Variants in POU2F1 observed in about 807,000 individuals in gnomAD.
POU2F1 encodes POU domain, class 2, transcription factor 1.
A neutral mutation model predicts 84.9 loss-of-function variants in POU2F1; 16 were observed. The ratio of observed to expected loss-of-function variants is 0.19; its 90% CI spans 0.13 to 0.29. The LOEUF (loss-of-function observed/expected upper bound fraction) is 0.29, where lower values mean the gene tolerates loss of function less well. Among genes scored for constraint, POU2F1 ranks in the 10% least tolerant of loss-of-function variants. POU2F1 has a pLI of 1.00. For missense variants in POU2F1, 738 were observed against 942.6 expected, an observed-to-expected ratio of 0.78 and a Z score of 2.84; for synonymous variants, 368 against 368.3, an observed-to-expected ratio of 1.00 and a Z score of 0.01.
chr1:167,302,358 T>A (rs945029449), intron 1 of POU2F1, among the ~76,000 whole-genome samples: 29 of 152,038 alleles, frequency 1.9e-4, no homozygotes, highest in Admixed American at 1.3e-3. Flanking sequence ...ACTCCCTAGT[T>A]CAAGCGATTA....
intron 1 of POU2F1, among the ~76,000 whole-genome samples, chr1:167,241,110 C>G (rs1390318530): frequency 6.6e-6 from 1 of 152,044 alleles, no homozygotes; most frequent in African/African-American, 2.4e-5. Flanking sequence ...CCATTGCACT[C>G]CAGCCTGGGC....
chr1:167,230,533 C>T (rs1410711095), intron 1 of POU2F1, among the ~76,000 whole-genome samples: 5 of 152,110 alleles, frequency 3.3e-5, no homozygotes, highest in African/African-American at 4.8e-5. Flanking sequence ...GAGGCACTTT[C>T]ACAGGGTCCT....
At chr1:167,296,027 T>C (rs1654268171) in intron 1 of POU2F1, among the ~76,000 whole-genome samples, 1 of 106,466 alleles carries the variant, frequency 9.4e-6, no homozygotes. Flanking sequence ...AGTAGAAAAC[T>C]TTTTTTTTTT....
At chr1:167,253,286 G>A (rs1208367221) in intron 1 of POU2F1, among the ~76,000 whole-genome samples, 1 of 151,542 alleles carries the variant, frequency 6.6e-6, no homozygotes, top group African/African-American at 2.4e-5. Flanking sequence ...AAAACTTGGA[G>A]CCTCTGTGAA....
At position 167,326,900 on chromosome 1, in the gene POU2F1, A is replaced by G. The variant is rs563517180; in HGVS notation, c.62-5570A>G. On this transcript the variant is annotated intron_variant, in intron 1 of 15. Transcript: ENST00000367866. ...TATTACATAAAGTAGAAAAGGGCAG[A>G]TGGTAAGTTGCAGAAATATCCCATA... is the stretch of plus-strand genomic sequence containing the variant. Among the ~76,000 whole-genome samples the G allele has an allele frequency of 1.1e-4, 17 of 152,368 alleles. No homozygotes were observed. The South Asian group carries it at 3.3e-3, about 30-fold the overall frequency.
intron 7 of POU2F1, chr1:167,379,665 C>G (rs1647375422): frequency 6.6e-6 from 1 of 152,102 alleles, no homozygotes; most frequent in South Asian, 2.1e-4. Context: ...AGAAAGTGAC[C>G]TAGATCAGAA....
chr1:167,321,454 G>C (rs562132298), intron 1 of POU2F1, among the ~76,000 whole-genome samples: 2 of 152,292 alleles, frequency 1.3e-5, no homozygotes, highest in East Asian at 3.9e-4. Context: ...TGGCTGTAAT[G>C]CCCCCATAGG....
rs751051257 is a variant in POU2F1, at chr1:167,372,001, A to T, written c.367A>T (p.Thr123Ser). The T allele has an allele frequency of 9.9e-6, 16 of 1,614,078 alleles. No homozygotes were observed. Among genetic ancestry groups the T allele is most frequent in the Non-Finnish European group, 1.4e-5 (16 of 1,179,984 alleles). Residue 123 changes from threonine (T) to serine (S), a missense_variant, in exon 5 of 16, where the codon ACC becomes TCC. Transcript: ENST00000367866. ...TTCAGTGCAGGCAGCCATTCCCCAGACCCAGCTTATGCTAGCTGGAGGACA... is the reference window on the plus strand; with the variant it reads ...TTCAGTGCAGGCAGCCATTCCCCAGTCCCAGCTTATGCTAGCTGGAGGACA... The part of the protein sequence containing the change: ...QPSVQAAIPQ[T>S]QLMLAGGQIT...
intron 2 of POU2F1, among the ~76,000 whole-genome samples, 176 bp downstream of exon 2, chr1:167,332,711 C>T (rs754171533): frequency 6.6e-6 from 1 of 152,160 alleles, no homozygotes; most frequent in South Asian, 2.1e-4. Flanking sequence ...GATTACTTAA[C>T]TTTCTTCTGC....
intron 2 of POU2F1, chr1:167,338,174 C>T (rs1245513938): frequency 2.1e-6 from 1 of 468,422 alleles, no homozygotes; most frequent in South Asian, 1.5e-5. Flanking sequence ...GTCAGCAAGA[C>T]CCCTCCTGTT....
At position 167,344,304 on chromosome 1, in the gene POU2F1, T is replaced by C. The variant is rs1658052143; in HGVS notation, c.127+11769T>C. On this transcript the variant is annotated intron_variant, in intron 2 of 15. Coordinates refer to ENST00000367866, the MANE Select transcript of POU2F1 (RefSeq NM_002697.4). ...CCAGTGAGCTCATGGAGTTAGCATT[T>C]AGTGTGGTCAAGTCCTGCCATAGGA... 2.6e-5 allele frequency among the ~76,000 whole-genome samples: 4 copies of C among 152,264 alleles called. No homozygotes were observed. In the South Asian group the frequency reaches 8.3e-4, roughly 32 times the overall value.
intron 1 of POU2F1, among the ~76,000 whole-genome samples, chr1:167,295,983 T>C (rs950431478): frequency 6.6e-6 from 1 of 152,158 alleles, no homozygotes; most frequent in Non-Finnish European, 1.5e-5. Flanking sequence ...TGTAAAAATC[T>C]TTAAAATTTT....
At chr1:167,312,172 A>G (rs1382197834) in intron 1 of POU2F1, among the ~76,000 whole-genome samples, 3 of 151,250 alleles carry the variant, frequency 2.0e-5, no homozygotes, top group Non-Finnish European at 4.4e-5. Flanking sequence ...TCCTCACCTT[A>G]TGATCCACCC....
chr1:167,307,697 A>T (rs1346836957), intron 1 of POU2F1, among the ~76,000 whole-genome samples: 1 of 152,172 alleles, frequency 6.6e-6, no homozygotes, highest in Admixed American at 6.5e-5. Flanking sequence ...TAGCCACAAT[A>T]CAAACATAAA....
At chr1:167,271,152 C>T (rs942545515) in intron 1 of POU2F1, among the ~76,000 whole-genome samples, 4 of 152,160 alleles carry the variant, frequency 2.6e-5, no homozygotes, top group African/African-American at 9.7e-5. Context: ...GTCCTTAAAA[C>T]ATTTTCGGTT....
At chr1:167,415,146 C>A (rs1650216605) in intron 15 of POU2F1, among the ~76,000 whole-genome samples, 1 of 152,166 alleles carries the variant, frequency 6.6e-6, no homozygotes, top group South Asian at 2.1e-4. Flanking sequence ...AATCAGCAGT[C>A]TTCATTAAAG....
intron 1 of POU2F1, among the ~76,000 whole-genome samples, chr1:167,300,396 A>G (rs908775107): frequency 2.6e-5 from 4 of 152,226 alleles, no homozygotes; most frequent in Admixed American, 1.3e-4. Context: ...GCAAACCTAC[A>G]TATGTACCCT....
At chr1:167,355,648 A>G (rs917428972) in intron 2 of POU2F1, among the ~76,000 whole-genome samples, 2 of 152,218 alleles carry the variant, frequency 1.3e-5, no homozygotes, top group African/African-American at 4.8e-5. Context: ...ATCTGTCTAT[A>G]CAACTGGCAT....
intron 1 of POU2F1, among the ~76,000 whole-genome samples, chr1:167,273,209 G>A (rs539813842): frequency 2.0e-5 from 3 of 152,316 alleles, no homozygotes; most frequent in African/African-American, 7.2e-5. Context: ...TGCCCCTGTG[G>A]CTCTACAGGG....
Sources: allele counts gnomAD v4.1 joint callset (sites outside exome capture counted in the v4.1 genomes callset), GRCh38; gene constraint gnomAD v4.1.1; transcripts MANE v1.5; gene names NCBI Gene and HGNC (gene_info 2026-07-23, HGNC 2026-07-21).